The following WDR70 variants were observed in gnomAD, a reference collection of about 807,000 sequenced individuals.
WDR70 encodes the protein WD repeat domain 70.
WDR70 carries 53 observed loss-of-function variants against 88.6 expected under a neutral mutation model. The observed-to-expected ratio is 0.60, with a 90% confidence interval of 0.48 to 0.75. WDR70 has a LOEUF of 0.75. Among genes scored for constraint, WDR70 ranks in the 30% least tolerant of loss-of-function variants. WDR70 has a pLI of 0.00. For missense variants in WDR70, 610 were observed against 823.2 expected (o/e 0.74, Z 3.17); for synonymous variants, 280 against 270.0 (o/e 1.04, Z -0.36).
At chr5:37,410,258 C>T (rs1029904744) in intron 5 of WDR70, among the ~76,000 whole-genome samples, 8 of 144,300 alleles carry the variant, frequency 5.5e-5, no homozygotes, top group Admixed American at 4.9e-4. Flanking sequence ...AGGCTGGTCT[C>T]GAACTCCTGG....
chr5:37,414,563 T>C (rs1749633740), intron 5 of WDR70, among the ~76,000 whole-genome samples: 1 of 152,106 alleles, frequency 6.6e-6, no homozygotes, highest in South Asian at 2.1e-4. Context: ...TTTATTGTCT[T>C]TCTTCACATA....
At chr5:37,589,365 G>A (rs927429518) in intron 9 of WDR70, among the ~76,000 whole-genome samples, 5 of 151,534 alleles carry the variant, frequency 3.3e-5, no homozygotes, top group Admixed American at 2.6e-4. Context: ...ATATGTTTAT[G>A]TATCTCTGTA....
At chr5:37,637,799 C>G (rs959105812) in intron 10 of WDR70, among the ~76,000 whole-genome samples, 1 of 152,210 alleles carries the variant, frequency 6.6e-6, no homozygotes, top group Non-Finnish European at 1.5e-5. Flanking sequence ...GCTCACTTTC[C>G]TGGCCTCTTT....
intron 9 of WDR70, among the ~76,000 whole-genome samples, chr5:37,596,850 C>T (rs943526524): frequency 1.8e-4 from 27 of 152,094 alleles, no homozygotes. Flanking sequence ...CTTGTGATGC[C>T]TCTTTATAGA....
At chr5:37,633,495 G>A (rs1460406551) in intron 10 of WDR70, among the ~76,000 whole-genome samples, 1 of 151,274 alleles carries the variant, frequency 6.6e-6, no homozygotes, top group Non-Finnish European at 1.5e-5. Context: ...ACATTCACTA[G>A]ATCTAGTAGC....
At chr5:37,749,723 C>A (rs1355943224) in intron 17 of WDR70, among the ~76,000 whole-genome samples, 4 of 151,100 alleles carry the variant, frequency 2.6e-5, no homozygotes, top group Admixed American at 1.3e-4. Flanking sequence ...ATTTTAATTC[C>A]TAGTGGGGAC....
chr5:37,653,447 G>A (rs553391210), intron 10 of WDR70, among the ~76,000 whole-genome samples: 97 of 152,256 alleles, frequency 6.4e-4, no homozygotes, highest in African/African-American at 2.2e-3. Context: ...GATGGTGCTG[G>A]CCTCATAAAA....
rs554259947 is a variant in WDR70, at chr5:37,525,226, G to T, written c.917+8636G>T. Among the ~76,000 whole-genome samples, 4 of 152,280 alleles carry T rather than the reference G, an allele frequency of 2.6e-5. No homozygotes were observed. In the South Asian group the frequency reaches 8.3e-4, roughly 32 times the overall value. On this transcript the variant is annotated intron_variant, in intron 9 of 17. Coordinates refer to ENST00000265107, the MANE Select transcript of WDR70 (RefSeq NM_018034.4). ...TATTCCAAAAGTGACCACATAGTTG[G>T]AAGTAAAGCAGTCCTCAGCAAATGT...
chr5:37,540,843 T>G (rs1741794710), intron 9 of WDR70, among the ~76,000 whole-genome samples: 1 of 152,242 alleles, frequency 6.6e-6, no homozygotes, highest in African/African-American at 2.4e-5. Context: ...TGTCATGATT[T>G]TCTCACTCTT....
intron 9 of WDR70, among the ~76,000 whole-genome samples, chr5:37,557,363 C>G (rs1351806460): frequency 6.6e-6 from 1 of 152,038 alleles, no homozygotes; most frequent in Non-Finnish European, 1.5e-5. Flanking sequence ...CATAAGTTTG[C>G]CAAATATGGA....
intron 9 of WDR70, among the ~76,000 whole-genome samples, chr5:37,542,996 G>A (rs967178041): frequency 5.3e-5 from 8 of 152,178 alleles, no homozygotes; most frequent in Non-Finnish European, 8.8e-5. Flanking sequence ...TGGAGCACAG[G>A]CACAAGTTCT....
At chr5:37,618,999 C>T (rs528577956) in intron 10 of WDR70, among the ~76,000 whole-genome samples, 7 of 152,138 alleles carry the variant, frequency 4.6e-5, no homozygotes, top group Non-Finnish European at 7.4e-5. Context: ...TTATTTTTTA[C>T]AGAATTTTAA....
intron 7 of WDR70, among the ~76,000 whole-genome samples, chr5:37,444,060 A>G (rs1738380585): frequency 6.6e-6 from 1 of 151,660 alleles, no homozygotes; most frequent in Admixed American, 6.6e-5. Context: ...GAGGCAGGAG[A>G]ATTGCTTGAA....
At chr5:37,416,759 T>A (rs1266720758) in intron 5 of WDR70, among the ~76,000 whole-genome samples, 1 of 152,038 alleles carries the variant, frequency 6.6e-6, no homozygotes. Context: ...TTTGTAATTT[T>A]AGTAGAGTCA....
chr5:37,626,399 ATG>A (rs1401657117), intron 10 of WDR70, among the ~76,000 whole-genome samples: 2 of 152,104 alleles, frequency 1.3e-5, no homozygotes, highest in African/African-American at 4.8e-5. Flanking sequence ...CTTTCTGTTG[ATG>A]TGTGTGATGT....
chr5:37,717,825 T>G (rs1747693584), intron 13 of WDR70, among the ~76,000 whole-genome samples: 1 of 152,198 alleles, frequency 6.6e-6, no homozygotes, highest in African/African-American at 2.4e-5. Flanking sequence ...GCTGCAAAGT[T>G]TACAAAGGTT....
rs545344315 is a variant in WDR70, at chr5:37,388,370, C to G, written c.176-3630C>G. Among the ~76,000 whole-genome samples the G allele has an allele frequency of 8.2e-3, 1,238 of 151,534 alleles. 12 individuals carry two copies. Among genetic ancestry groups the G allele is most frequent in the African/African-American group, 0.028 (1,172 of 41,348 alleles). ...TGACCTCGTGATCTGCCTGCCGCAG[C>G]CTCCCAAAGTGTTGGGATTACAGGC... On this transcript the variant is annotated intron_variant, in intron 3 of 17. Coordinates refer to ENST00000265107, the MANE Select transcript of WDR70 (RefSeq NM_018034.4).
At chr5:37,747,824 AG>A (rs1483012975) in intron 17 of WDR70, among the ~76,000 whole-genome samples, 1 of 152,250 alleles carries the variant, frequency 6.6e-6, no homozygotes, top group African/African-American at 2.4e-5. Context: ...AAAAATCACA[AG>A]TATTCCTTTA....
intron 7 of WDR70, among the ~76,000 whole-genome samples, chr5:37,450,831 A>G (rs188319992): frequency 6.6e-6 from 1 of 152,092 alleles, no homozygotes; most frequent in South Asian, 2.1e-4. Context: ...CTGTGTGTGT[A>G]TATATTTATG....
Sources: gnomAD v4.1 joint callset for allele counts (sites outside exome capture counted in the v4.1 genomes callset) on GRCh38, gnomAD v4.1.1 for gene constraint, MANE v1.5 for transcripts, NCBI Gene and HGNC (gene_info 2026-07-23, HGNC 2026-07-21) for gene names.